The following PLAAT1 variants were observed in gnomAD, a reference collection of about 807,000 sequenced individuals.
PLAAT1 encodes the protein H-REV107 protein-related protein.
In PLAAT1, 13 loss-of-function variants were observed where a neutral mutation model predicts 16.4. The ratio of observed to expected loss-of-function variants is 0.79; its 90% CI spans 0.52 to 1.26. The LOEUF (loss-of-function observed/expected upper bound fraction) is 1.26. PLAAT1 is among the 50% of genes most tolerant of loss of function. The pLI is 0.00. For synonymous variants in PLAAT1, 73 were observed against 78.4 expected, an observed-to-expected ratio of 0.93 and a Z score of 0.36; for missense variants, 218 against 207.8, an observed-to-expected ratio of 1.05 and a Z score of -0.30.
Position 193,241,390 on chromosome 3 carries a change from C to T in PLAAT1, c.-144C>T, listed in dbSNP as rs370900621. ...GACGGCCCCGAGTGATGGCTGGCGC[C>T]TGCCTCCCGGGTGTCTCCCGGGTAC... On this transcript the variant is annotated 5_prime_UTR_variant, in exon 1 of 4. Transcript: ENST00000264735. The T allele has an allele frequency of 1.8e-3, 2,200 of 1,231,738 alleles. 31 individuals carry two copies. The African/African-American group carries it at 0.028, about 16-fold the overall frequency. The allele number at this position is 1,231,738 out of a possible 1,614,324, so 76.3% of individuals were successfully genotyped here. A position where few individuals can be genotyped will look rare whatever the true frequency, so the allele number is the denominator to read the frequency against.
chr3:193,255,883 G>A (rs930467679), intron 2 of PLAAT1, 94 bp downstream of exon 2: 12 of 1,141,762 alleles, frequency 1.1e-5, no homozygotes, highest in East Asian at 2.7e-5. Flanking sequence ...AAACAAAATC[G>A]AAATAAAATA....
At chr3:193,243,199 G>T (rs936768414) in intron 1 of PLAAT1, among the ~76,000 whole-genome samples, 6 of 151,964 alleles carry the variant, frequency 3.9e-5, no homozygotes, top group African/African-American at 1.4e-4. Flanking sequence ...TCAAAATGAA[G>T]CATTTTTTTA....
downstream of PLAAT1, chr3:193,275,317 G>A: frequency 6.2e-7 from 1 of 1,610,496 alleles, no homozygotes; most frequent in Non-Finnish European, 8.5e-7. Flanking sequence ...AAAATCAGAT[G>A]GGAAAACAAT....
intron 2 of PLAAT1, among the ~76,000 whole-genome samples, chr3:193,275,992 A>G (rs901193512): frequency 3.3e-5 from 5 of 152,126 alleles, no homozygotes; most frequent in Admixed American, 3.3e-4. Flanking sequence ...TCTCAACAAC[A>G]CTTAAGTTGA....
intron 1 of PLAAT1, among the ~76,000 whole-genome samples, chr3:193,245,686 T>A (rs1715956072): frequency 6.6e-6 from 1 of 152,184 alleles, no homozygotes; most frequent in South Asian, 2.1e-4. Context: ...TTTCTCCACA[T>A]CCTCACCAAC....
chr3:193,245,146 C>T (rs989272462), intron 1 of PLAAT1, among the ~76,000 whole-genome samples: 1 of 152,212 alleles, frequency 6.6e-6, no homozygotes, highest in South Asian at 2.1e-4. Flanking sequence ...AAACCTACTT[C>T]TTCAGTCTAA....
chr3:193,245,939 G>A (rs1281279628), intron 1 of PLAAT1, among the ~76,000 whole-genome samples: 3 of 152,184 alleles, frequency 2.0e-5, no homozygotes, highest in African/African-American at 7.2e-5. Flanking sequence ...TAGCCCCATA[G>A]CAAATGTGCA....
At chr3:193,255,829 A>G in intron 2 of PLAAT1, 40 bp downstream of exon 2, 1 of 1,510,492 alleles carries the variant, frequency 6.6e-7, no homozygotes, top group Non-Finnish European at 8.9e-7. Context: ...GCAAAGTTTT[A>G]GTGTTCTTGT....
chr3:193,264,907 G>A (rs566731913), intron 3 of PLAAT1, among the ~76,000 whole-genome samples: 18 of 152,244 alleles, frequency 1.2e-4, no homozygotes, highest in African/African-American at 2.2e-4. Flanking sequence ...TTTTAGATAC[G>A]TATCTAGAAT....
At chr3:193,275,237 TTTAGAG>T, downstream of PLAAT1, 1 of 1,614,168 alleles carries the variant, frequency 6.2e-7, no homozygotes, top group Non-Finnish European at 8.5e-7. Flanking sequence ...TATATTGACT[TTTAGAG>T]TAGAATCCAA....
intron 2 of PLAAT1, 64 bp from the exon 3 acceptor site, chr3:193,262,906 A>G: frequency 6.6e-7 from 1 of 1,519,436 alleles, no homozygotes; most frequent in Non-Finnish European, 9.0e-7. Context: ...CAAAGTCTTT[A>G]GATGGCAGTA....
chr3:193,263,903 G>A (rs1479866290), intron 3 of PLAAT1, among the ~76,000 whole-genome samples: 2 of 151,930 alleles, frequency 1.3e-5, no homozygotes, highest in Non-Finnish European at 2.9e-5. Flanking sequence ...CTGTTGTCCT[G>A]TTGTCCCACC....
intron 1 of PLAAT1, among the ~76,000 whole-genome samples, chr3:193,246,826 C>G (rs1450742579): frequency 6.6e-6 from 1 of 152,108 alleles, no homozygotes; most frequent in Admixed American, 6.5e-5. Flanking sequence ...CTGTAGTTTT[C>G]TTGGGGTGTT....
intron 3 of PLAAT1, among the ~76,000 whole-genome samples, chr3:193,265,280 C>T (rs1716740111): frequency 6.6e-6 from 1 of 152,112 alleles, no homozygotes; most frequent in Non-Finnish European, 1.5e-5. Flanking sequence ...GGGGTATATC[C>T]ATACAATGTA....
At chr3:193,255,062 C>T (rs2108788723) in intron 1 of PLAAT1, among the ~76,000 whole-genome samples, 1 of 152,210 alleles carries the variant, frequency 6.6e-6, no homozygotes, top group South Asian at 2.1e-4. Context: ...TTAGCATCCA[C>T]CCCTACCTCT....
At chr3:193,279,496 G>A (rs781759550), downstream of PLAAT1, 3 of 1,537,606 alleles carry the variant, frequency 2.0e-6, no homozygotes, top group Non-Finnish European at 2.7e-6. Flanking sequence ...TTAAAAGAAT[G>A]TTTCATATAA....
intron 3 of PLAAT1, among the ~76,000 whole-genome samples, chr3:193,266,056 A>G (rs1716766505): frequency 6.6e-6 from 1 of 152,334 alleles, no homozygotes; most frequent in East Asian, 1.9e-4. Flanking sequence ...GCCTATGATT[A>G]ATGATACTAT....
intron 1 of PLAAT1, among the ~76,000 whole-genome samples, chr3:193,249,159 G>C (rs1333805439): frequency 1.3e-5 from 2 of 151,998 alleles, no homozygotes; most frequent in South Asian, 4.2e-4. Context: ...TACCCTGCAG[G>C]GTTTCTGTTG....
intron 2 of PLAAT1, chr3:193,277,577 C>T (rs1717280223): frequency 6.6e-6 from 1 of 152,212 alleles, no homozygotes; most frequent in Non-Finnish European, 1.5e-5. Flanking sequence ...ATCCCTAATT[C>T]TCACCCCTAT....
Sources: allele counts gnomAD v4.1 joint callset (sites outside exome capture counted in the v4.1 genomes callset), GRCh38; gene constraint gnomAD v4.1.1; transcripts MANE v1.5; gene names NCBI Gene and HGNC (gene_info 2026-07-23, HGNC 2026-07-21).